SPSB1: variants seen among roughly 807,000 people sequenced by gnomAD.
The protein encoded by SPSB1 is SPRY domain-containing SOCS box protein 1.
A neutral mutation model predicts 21.2 loss-of-function variants in SPSB1; 8 were observed. The ratio of observed to expected loss-of-function variants is 0.38; its 90% CI spans 0.22 to 0.68. The LOEUF is 0.68. Among genes scored for constraint, SPSB1 ranks in the 30% least tolerant of loss-of-function variants. SPSB1 has a pLI of 0.53. For missense variants in SPSB1, 242 were observed against 377.8 expected, an observed-to-expected ratio of 0.64 and a Z score of 2.98; for synonymous variants, 169 against 161.7, an observed-to-expected ratio of 1.05 and a Z score of -0.34.
chr1:9,293,462 G>A lies in SPSB1; in HGVS notation c.-150+391G>A, dbSNP rs1478644455. ...CGACCCGTCCCCCCTTTAGCCCGGGGAAAGCGGGACCCCGCTCGGCTGAGT... is the reference window on the plus strand; with the variant it reads ...CGACCCGTCCCCCCTTTAGCCCGGGAAAAGCGGGACCCCGCTCGGCTGAGT... On this transcript the variant is annotated intron_variant, in intron 1 of 2. Transcript: ENST00000328089. The surrounding 1 kb of genome is among the most constrained non-coding windows in gnomAD (Gnocchi z 5.1). Among the ~76,000 whole-genome samples, 1 of 151,768 alleles carries A rather than the reference G, an allele frequency of 6.6e-6. No homozygotes were observed. The highest frequency in any genetic ancestry group is 6.6e-5 in the Admixed American group (1 of 15,266).
intron 1 of SPSB1, among the ~76,000 whole-genome samples, chr1:9,312,411 G>C (rs985142689): frequency 6.6e-6 from 1 of 152,058 alleles, no homozygotes; most frequent in Non-Finnish European, 1.5e-5. Context: ...GGGTTCTTTC[G>C]TAACAGCCCT....
rs939659499 is a variant in SPSB1, at chr1:9,367,886, G to A, written c.*311G>A. 3.8e-5 allele frequency: 12 copies of A among 315,278 alleles called. No individual in the cohort carries two copies. The highest frequency in any genetic ancestry group is 9.9e-4 in the Middle Eastern group (1 of 1,008). 19.5% of individuals were successfully genotyped at this position (315,278 alleles called of 1,614,324 possible). A position where few individuals can be genotyped will look rare whatever the true frequency, so the allele number is the denominator to read the frequency against. On this transcript the variant is annotated 3_prime_UTR_variant, in exon 3 of 3. Coordinates refer to ENST00000328089, the MANE Select transcript of SPSB1 (RefSeq NM_025106.4). This position sits in a 1 kb window ranked among gnomAD's most constrained non-coding sequence, Gnocchi z 5.9. The stretch of plus-strand genomic sequence containing the variant: ...CCCTACATTGAGCTCCAATCTGCTC[G>A]GGGTGGGACGGGTGCTTCCCACACC...
intron 1 of SPSB1, among the ~76,000 whole-genome samples, chr1:9,334,835 A>G (rs1639979429): frequency 6.6e-6 from 1 of 152,224 alleles, no homozygotes; most frequent in African/African-American, 2.4e-5. Context: ...TACTTCATAT[A>G]ACGTGTTCAA....
chr1:9,329,722 AG>A (rs1639883697), intron 1 of SPSB1, among the ~76,000 whole-genome samples: 1 of 149,592 alleles, frequency 6.7e-6, no homozygotes, highest in Admixed American at 6.6e-5. Flanking sequence ...AAAAAAAAAA[AG>A]AGAAAAGAAA....
chr1:9,356,175 G>C lies in SPSB1; in HGVS notation c.284G>C (p.Arg95Pro). The change falls in exon 2 of 3, where the codon CGT (arginine) becomes CCT (proline). Residue 95 changes from arginine (R) to proline (P), a missense_variant. Transcript: ENST00000328089. This position sits in a 1 kb window ranked among gnomAD's most constrained non-coding sequence, Gnocchi z 7.4. ...ATCAGGGGCAAAGTCGGGTATACCCGTGGGCTGCACGTGTGGCAGATCACG... is the reference window on the plus strand; with the variant it reads ...ATCAGGGGCAAAGTCGGGTATACCCCTGGGCTGCACGTGTGGCAGATCACG... ...DAIRGKVGYT[R>P]GLHVWQITWA... is the part of the protein sequence containing the mutation. 1 of 1,586,946 alleles carries C rather than the reference G, an allele frequency of 6.3e-7. No individual in the cohort carries two copies. The highest frequency in any genetic ancestry group is 8.6e-7 in the Non-Finnish European group (1 of 1,164,268).
At chr1:9,364,886 C>T (rs1348522764) in intron 2 of SPSB1, among the ~76,000 whole-genome samples, 1 of 151,962 alleles carries the variant, frequency 6.6e-6, no homozygotes, top group Non-Finnish European at 1.5e-5. Flanking sequence ...AGTCTTGCTC[C>T]GTCACCCCAG....
intron 1 of SPSB1, among the ~76,000 whole-genome samples, chr1:9,352,219 C>T (rs564156046): frequency 2.0e-5 from 3 of 152,298 alleles, no homozygotes; most frequent in Non-Finnish European, 2.9e-5. Flanking sequence ...GTTGTGGAGC[C>T]GACCTGGACA....
intron 1 of SPSB1, among the ~76,000 whole-genome samples, chr1:9,354,330 G>A (rs1430753883): frequency 1.3e-5 from 2 of 152,064 alleles, no homozygotes; most frequent in African/African-American, 2.4e-5. Flanking sequence ...ACAGCCTCCC[G>A]CCCAGGCGCC....
At chr1:9,309,192 A>T (rs1639472458) in intron 1 of SPSB1, among the ~76,000 whole-genome samples, 1 of 148,118 alleles carries the variant, frequency 6.8e-6, no homozygotes, top group Admixed American at 6.8e-5. Context: ...CATGCCATTC[A>T]CCTCCAAAGT....
At chr1:9,358,614 G>A (rs1447321390) in intron 2 of SPSB1, among the ~76,000 whole-genome samples, 1 of 152,194 alleles carries the variant, frequency 6.6e-6, no homozygotes, top group Non-Finnish European at 1.5e-5. Context: ...CCTCCTCCCA[G>A]CCATGGGGTG....
chr1:9,298,971 C>T (rs905456052), intron 1 of SPSB1, among the ~76,000 whole-genome samples: 5 of 152,192 alleles, frequency 3.3e-5, no homozygotes, highest in African/African-American at 1.2e-4. Context: ...GGTGGGGCTG[C>T]CGAGATTAGC....
chr1:9,316,984 GCCTCAC>G (rs1196858868), intron 1 of SPSB1, among the ~76,000 whole-genome samples: 2 of 152,228 alleles, frequency 1.3e-5, no homozygotes, highest in African/African-American at 4.8e-5. Flanking sequence ...GCAGGGCCAG[GCCTCAC>G]CTTGGATGCA....
chr1:9,319,165 AGT>A (rs1467663057), intron 1 of SPSB1, among the ~76,000 whole-genome samples: 2 of 152,004 alleles, frequency 1.3e-5, no homozygotes, highest in Middle Eastern at 3.2e-3. Context: ...TGGGCAACAG[AGT>A]GAGACTCCAT....
chr1:9,362,084 C>T (rs974419407), intron 2 of SPSB1, among the ~76,000 whole-genome samples: 11 of 152,220 alleles, frequency 7.2e-5, no homozygotes, highest in African/African-American at 2.4e-4. Flanking sequence ...AGATCAGAGC[C>T]TCCTCCCGGG....
chr1:9,341,503 C>T (rs1640090055), intron 1 of SPSB1, among the ~76,000 whole-genome samples: 1 of 152,326 alleles, frequency 6.6e-6, no homozygotes, highest in East Asian at 1.9e-4. Context: ...AGCCCTGAGG[C>T]ACATTATTTG....
intron 1 of SPSB1, among the ~76,000 whole-genome samples, chr1:9,299,308 A>T (rs1570167250): frequency 6.6e-6 from 1 of 152,310 alleles, no homozygotes; most frequent in East Asian, 1.9e-4. Flanking sequence ...GTCACAGTTT[A>T]GTTCACAGTC....
chr1:9,300,408 A>G (rs1218887498), intron 1 of SPSB1, among the ~76,000 whole-genome samples: 1 of 152,220 alleles, frequency 6.6e-6, no homozygotes, highest in East Asian at 1.9e-4. Context: ...CACTTGGGCC[A>G]CCAGCAGATC....
At chr1:9,312,913 A>G (rs1175723142) in intron 1 of SPSB1, among the ~76,000 whole-genome samples, 1 of 152,160 alleles carries the variant, frequency 6.6e-6, no homozygotes, top group East Asian at 1.9e-4. Context: ...AGGCCCAAGA[A>G]CATGTGTCCC....
At chr1:9,334,390 T>G (rs894475505) in intron 1 of SPSB1, among the ~76,000 whole-genome samples, 2 of 152,082 alleles carry the variant, frequency 1.3e-5, no homozygotes, top group Admixed American at 6.5e-5. Context: ...CTGGTCAATT[T>G]TTGTATTTTT....
Sources: allele counts gnomAD v4.1 joint callset (sites outside exome capture counted in the v4.1 genomes callset), GRCh38; gene constraint gnomAD v4.1.1; non-coding constraint Gnocchi (gnomAD v3.1); transcripts MANE v1.5; gene names NCBI Gene and HGNC (gene_info 2026-07-23, HGNC 2026-07-21).